The following MYO16 variants were observed in gnomAD, a reference collection of about 807,000 sequenced individuals.
MYO16 encodes unconventional myosin-XVI.
Under a neutral mutation model 205.3 loss-of-function variants are expected in MYO16, and 94 were observed. That is an observed-to-expected ratio of 0.46 (90% CI 0.39 to 0.54). MYO16 has a LOEUF of 0.54. Among genes scored for constraint, MYO16 ranks in the 20% least tolerant of loss-of-function variants. The pLI is 0.00. For missense variants in MYO16, 2,315 were observed against 2,387.5 expected (o/e 0.97, Z 0.63); for synonymous variants, 988 against 954.0 (o/e 1.04, Z -0.66).
intron 1 of MYO16, among the ~76,000 whole-genome samples, chr13:108,598,279 G>C (rs763212519): frequency 6.6e-6 from 1 of 151,680 alleles, no homozygotes; most frequent in Non-Finnish European, 1.5e-5. Flanking sequence ...TTTGTGTGTG[G>C]CTTTCCATAA....
At chr13:109,185,856 A>G (rs1346507549) in intron 34 of MYO16, among the ~76,000 whole-genome samples, 3 of 152,188 alleles carry the variant, frequency 2.0e-5, no homozygotes, top group Non-Finnish European at 4.4e-5. Context: ...ACAAGTAATA[A>G]CCAATGCTAT....
At chr13:109,177,503 T>G (rs1480121045) in intron 33 of MYO16, among the ~76,000 whole-genome samples, 4 of 150,646 alleles carry the variant, frequency 2.7e-5, no homozygotes, top group East Asian at 3.9e-4. Flanking sequence ...TTTTATGTAT[T>G]TATTTATTTA....
chr13:109,199,864 G>T (rs762712710), intron 34 of MYO16, among the ~76,000 whole-genome samples: 2 of 152,152 alleles, frequency 1.3e-5, no homozygotes, highest in African/African-American at 4.8e-5. Flanking sequence ...AGTACATAAA[G>T]TTTAAAGAAT....
chr13:108,583,209 A>C, the MYO16 span, among the ~76,000 whole-genome samples: 1 of 152,202 alleles, frequency 6.6e-6, no homozygotes, highest in African/African-American at 2.4e-5. Flanking sequence ...TCTTTTGCAC[A>C]CATTTATTTT....
At chr13:109,149,499 G>T (rs1877532635) in intron 32 of MYO16, among the ~76,000 whole-genome samples, 1 of 151,956 alleles carries the variant, frequency 6.6e-6, no homozygotes. Flanking sequence ...TCCAAACCCT[G>T]GATTCTTTCT....
intron 23 of MYO16, among the ~76,000 whole-genome samples, chr13:109,037,190 C>T (rs566588279): frequency 1.3e-5 from 2 of 152,190 alleles, no homozygotes; most frequent in Non-Finnish European, 2.9e-5. Context: ...TTGAATTGCC[C>T]GGGAGGCCAC....
chr13:108,557,917 G>C, the MYO16 span, among the ~76,000 whole-genome samples: 2 of 152,024 alleles, frequency 1.3e-5, no homozygotes, highest in African/African-American at 4.8e-5. Context: ...CATATAGATA[G>C]ATAGGTGATA....
chr13:108,596,509 G>A (rs984661307), intron 1 of MYO16, among the ~76,000 whole-genome samples: 7 of 151,906 alleles, frequency 4.6e-5, no homozygotes, highest in African/African-American at 1.2e-4. Context: ...GAAAGTCTTC[G>A]TGAGTGAAGA....
chr13:108,814,124 T>C (rs1231840647), intron 7 of MYO16, among the ~76,000 whole-genome samples: 2 of 152,180 alleles, frequency 1.3e-5, no homozygotes, highest in Non-Finnish European at 2.9e-5. Flanking sequence ...CTTTCCGCAG[T>C]TGAAGCTGTA....
Position 109,100,784 on chromosome 13 carries a change from G to A in MYO16, c.3336-1G>A. 6.2e-7 allele frequency: 1 copy of A among 1,608,554 alleles called. No individual in the cohort carries two copies. The highest frequency in any genetic ancestry group is 1.3e-5 in the African/African-American group (1 of 74,938). ...CTTTCTGTCTCTGCTGCTTTTCACA[G>A]GTATAAGCCACTGGCTGATACATTC... is the stretch of plus-strand genomic sequence containing the variant. On this transcript the variant is annotated splice_acceptor_variant, in intron 27 of 34. Coordinates refer to ENST00000457511, the MANE Select transcript of MYO16 (RefSeq NM_001198950.3). LOFTEE classifies it high-confidence loss of function.
intron 23 of MYO16, among the ~76,000 whole-genome samples, chr13:109,040,983 A>G (rs1020382949): frequency 6.6e-6 from 1 of 152,192 alleles, no homozygotes; most frequent in African/African-American, 2.4e-5. Flanking sequence ...AAGAAAGGAA[A>G]GACTCAAAGA....
At chr13:108,736,726 C>T (rs1236247046) in intron 4 of MYO16, among the ~76,000 whole-genome samples, 1 of 152,108 alleles carries the variant, frequency 6.6e-6, no homozygotes, top group East Asian at 1.9e-4. Flanking sequence ...CTATAAATTA[C>T]CTTGGGCAGT....
intron 27 of MYO16, among the ~76,000 whole-genome samples, chr13:109,070,737 C>T (rs9301343): frequency 6.6e-6 from 1 of 151,952 alleles, no homozygotes; most frequent in African/African-American, 2.4e-5. Flanking sequence ...TAAAGGTTAC[C>T]TTTCATTGTT....
Position 108,869,536 on chromosome 13 carries a change from A to G in MYO16, c.1425+3294A>G, listed in dbSNP as rs196163. On this transcript the variant is annotated intron_variant, in intron 12 of 34. Transcript: ENST00000457511. Reference sequence around the variant, plus strand: ...TCAGGAGATCGAGACCATCCTGGCTAACACGATGAAACCCCGTCTCTACTA... The same window carrying G: ...TCAGGAGATCGAGACCATCCTGGCTGACACGATGAAACCCCGTCTCTACTA... Among the ~76,000 whole-genome samples the G allele has an allele frequency of 5.5e-3, 824 of 148,882 alleles. 4 individuals are homozygous for G. Among genetic ancestry groups the G allele is most frequent in the African/African-American group, 0.02 (785 of 40,218 alleles).
At chr13:108,951,346 A>G (rs992018443) in intron 16 of MYO16, among the ~76,000 whole-genome samples, 1 of 152,154 alleles carries the variant, frequency 6.6e-6, no homozygotes, top group Admixed American at 6.5e-5. Context: ...ATATGAAGTT[A>G]ATCAATGGAA....
At chr13:109,092,845 C>T (rs927053160) in intron 27 of MYO16, among the ~76,000 whole-genome samples, 1 of 152,192 alleles carries the variant, frequency 6.6e-6, no homozygotes, top group African/African-American at 2.4e-5. Context: ...GGAACAATCA[C>T]TTTTGAAGAG....
intron 4 of MYO16, among the ~76,000 whole-genome samples, chr13:108,733,851 C>G (rs1472754104): frequency 6.6e-6 from 1 of 152,118 alleles, no homozygotes; most frequent in African/African-American, 2.4e-5. Context: ...CACCTGTAGT[C>G]CCAGCTACTC....
intron 4 of MYO16, among the ~76,000 whole-genome samples, chr13:108,742,021 T>G (rs1377594816): frequency 3.3e-5 from 5 of 152,174 alleles, no homozygotes; most frequent in Non-Finnish European, 7.4e-5. Context: ...TGAGACAGAA[T>G]CTTACTTTGT....
At chr13:108,989,277 T>C (rs1212812710) in intron 20 of MYO16, among the ~76,000 whole-genome samples, 1 of 152,216 alleles carries the variant, frequency 6.6e-6, no homozygotes, top group East Asian at 1.9e-4. Flanking sequence ...TTGGGATTAA[T>C]GTTGTTCATG....
Sources: allele counts gnomAD v4.1 joint callset (sites outside exome capture counted in the v4.1 genomes callset), GRCh38; gene constraint gnomAD v4.1.1; transcripts MANE v1.5; gene names NCBI Gene and HGNC (gene_info 2026-07-23, HGNC 2026-07-21).